PLA2G2D: variants seen among roughly 807,000 people sequenced by gnomAD.
PLA2G2D encodes group IID secretory phospholipase A2.
A neutral mutation model predicts 13.9 loss-of-function variants in PLA2G2D; 17 were observed. That is an observed-to-expected ratio of 1.23 (90% CI 0.84 to 1.84). PLA2G2D has a LOEUF of 1.84. PLA2G2D is among the 40% of genes most tolerant of loss of function. The pLI is 0.00. For missense variants in PLA2G2D, 194 were observed against 178.7 expected, an observed-to-expected ratio of 1.09 and a Z score of -0.49; for synonymous variants, 83 against 69.3, an observed-to-expected ratio of 1.20 and a Z score of -0.98.
In PLA2G2D at chr1:20,113,862, A is replaced by G; in HGVS notation, c.*252T>C. 2.4e-6 allele frequency: 1 copy of G among 422,350 alleles called. No homozygotes were observed. The highest frequency in any genetic ancestry group is 4.2e-6 in the Non-Finnish European group (1 of 235,882). The allele number at this position is 422,350 out of a possible 1,614,324, so 26.2% of individuals were successfully genotyped here. A position where few individuals can be genotyped will look rare whatever the true frequency, so the allele number is the denominator to read the frequency against. Reference sequence around the variant, plus strand: ...CCCCCACCCCGATGCTTTGGTCCAAACACCACCTCTGAGGGCTCCCTTGCT... The same window carrying G: ...CCCCCACCCCGATGCTTTGGTCCAAGCACCACCTCTGAGGGCTCCCTTGCT... On this transcript the variant is annotated 3_prime_UTR_variant, in exon 4 of 4. Coordinates refer to ENST00000375105, the MANE Select transcript of PLA2G2D (RefSeq NM_012400.4).
In PLA2G2D at chr1:20,113,777, T is replaced by G; in HGVS notation, c.*337A>C. The G allele has an allele frequency of 4.2e-5, 11 of 264,666 alleles. No homozygotes were observed. Among genetic ancestry groups the G allele is most frequent in the East Asian group, 7.7e-5 (1 of 12,996 alleles). 16.4% of individuals were successfully genotyped at this position (264,666 alleles called of 1,614,324 possible). ...TGCTGCGGTTGTAGCTCCGAGACTATATTGGAGGGGGTGAGGAAGGACAAG... is the reference window on the plus strand; with the variant it reads ...TGCTGCGGTTGTAGCTCCGAGACTAGATTGGAGGGGGTGAGGAAGGACAAG... On this transcript the variant is annotated 3_prime_UTR_variant, in exon 4 of 4. Transcript: ENST00000375105.
At chr1:20,114,315 T>C (rs932784263) in intron 3 of PLA2G2D, 56 bp from the exon 4 acceptor site, 6 of 1,566,238 alleles carry the variant, frequency 3.8e-6, no homozygotes, top group African/African-American at 1.4e-5. Flanking sequence ...CAGAGGCAGG[T>C]ATGAGTCTAG....
At chr1:20,116,294 G>A (rs755746655) in intron 2 of PLA2G2D, 39 bp downstream of exon 2, 4 of 1,603,440 alleles carry the variant, frequency 2.5e-6, no homozygotes, top group Non-Finnish European at 3.4e-6. Flanking sequence ...ACCGTAGTCG[G>A]GGACAGTATA....
rs755221114 is a variant in PLA2G2D at position 20,115,463 on chromosome 1, C to T, written c.292+44G>A. Reference sequence around the variant, plus strand: ...TGAAGGCAGTGGGGGCCAGATCTCCCTTCCTGGGGTCTCCAGCTCCTGCCC... The same window carrying T: ...TGAAGGCAGTGGGGGCCAGATCTCCTTTCCTGGGGTCTCCAGCTCCTGCCC... On this transcript the variant is annotated intron_variant, in intron 3 of 3. Transcript: ENST00000375105. The T allele has an allele frequency of 2.6e-6, 3 of 1,148,832 alleles. No individual in the cohort carries two copies. In the Admixed American group the frequency reaches 5.1e-5, roughly 19 times the overall value. 71.2% of individuals were successfully genotyped at this position (1,148,832 alleles called of 1,614,324 possible). A position where few individuals can be genotyped will look rare whatever the true frequency, so the allele number is the denominator to read the frequency against.
At position 20,116,343 on chromosome 1, in the gene PLA2G2D, C is replaced by T; in HGVS notation, c.175G>A (p.Ala59Thr). ...GLGGRGQPKD[A>T]TDWCCQTHDC... ...TGAGAAAGGAGTTACCAGTCCGTGG[C>T]ATCTTTGGGTTGGCCTCTGCCACCT... Residue 59 changes from alanine (A) to threonine (T), a missense_variant, in exon 2 of 4, where the codon GCC becomes ACC. Coordinates refer to ENST00000375105, the MANE Select transcript of PLA2G2D (RefSeq NM_012400.4). The T allele has an allele frequency of 1.2e-6, 2 of 1,614,208 alleles. No individual in the cohort carries two copies. Among genetic ancestry groups the T allele is most frequent in the Non-Finnish European group, 1.7e-6 (2 of 1,180,010 alleles).
At chr1:20,115,480 C>T in intron 3 of PLA2G2D, 27 bp downstream of exon 3, 3 of 1,316,006 alleles carry the variant, frequency 2.3e-6, no homozygotes, top group Non-Finnish European at 3.3e-6. Flanking sequence ...GGGTCTCCAG[C>T]TCCTGCCCTG....
chr1:20,116,264 G>T, intron 2 of PLA2G2D, 69 bp downstream of exon 2: 2 of 1,440,382 alleles, frequency 1.4e-6, no homozygotes, highest in South Asian at 2.3e-5. Context: ...TGAACAGGTG[G>T]GTGGAGAGAA....
chr1:20,117,191 C>A (rs1340940662), intron 1 of PLA2G2D, among the ~76,000 whole-genome samples: 2 of 152,194 alleles, frequency 1.3e-5, no homozygotes, highest in Non-Finnish European at 2.9e-5. Context: ...AAAACCAACA[C>A]TGGTACAATG....
chr1:20,117,452 T>C (rs1239803271), intron 1 of PLA2G2D, among the ~76,000 whole-genome samples: 1 of 152,218 alleles, frequency 6.6e-6, no homozygotes, highest in African/African-American at 2.4e-5. Context: ...GGAGGCAGCA[T>C]GATTTAGAAA....
Position 20,114,243 on chromosome 1 carries a change from C to T in PLA2G2D, c.309G>A (p.Trp103Ter). The change falls in exon 4 of 4, where the codon TGG (tryptophan) becomes TGA (stop). Residue 103 changes from tryptophan to a stop codon, truncating the protein, a stop_gained. Coordinates refer to ENST00000375105, the MANE Select transcript of PLA2G2D (RefSeq NM_012400.4). LOFTEE classifies it low-confidence loss of function (END_TRUNC). ...GNIHCSDKGSWCEQQLCACDK... is the reference protein window; with the variant it reads ...GNIHCSDKGS ...CACAGGCACACAGCTGCTGCTCACA[C>T]CAGCTTCCCTTGTCAGCTGTGGACG... 1 of 1,613,768 alleles carries T rather than the reference C, an allele frequency of 6.2e-7. No individual in the cohort carries two copies. The highest frequency in any genetic ancestry group is 8.5e-7 in the Non-Finnish European group (1 of 1,179,762).
At chr1:20,119,091 A>C (rs941012907) in intron 1 of PLA2G2D, among the ~76,000 whole-genome samples, 3 of 152,164 alleles carry the variant, frequency 2.0e-5, no homozygotes, top group Non-Finnish European at 4.4e-5. Context: ...CGGCTCTAAA[A>C]ATATGGAGTG....
chr1:20,116,288 T>C (rs1354173211), intron 2 of PLA2G2D, 45 bp downstream of exon 2: 1 of 1,590,664 alleles, frequency 6.3e-7, no homozygotes, highest in South Asian at 1.1e-5. Flanking sequence ...AAGAGTACCG[T>C]AGTCGGGGAC....
Position 20,114,014 on chromosome 1 carries a change from T to G in PLA2G2D, c.*100A>C, listed in dbSNP as rs1318527567. On this transcript the variant is annotated 3_prime_UTR_variant, in exon 4 of 4. Coordinates refer to ENST00000375105, the MANE Select transcript of PLA2G2D (RefSeq NM_012400.4). ...GGTTCCGGGGGAGGCTGGGACTACC[T>G]CCCCCCGGAGTGTTTGAAAAGCCAG... is the stretch of plus-strand genomic sequence containing the variant. The G allele has an allele frequency of 9.2e-7, 1 of 1,090,498 alleles. No individual in the cohort carries two copies. Among genetic ancestry groups the G allele is most frequent in the African/African-American group, 1.6e-5 (1 of 63,176 alleles). 67.6% of individuals were successfully genotyped at this position (1,090,498 alleles called of 1,614,324 possible).
chr1:20,115,889 G>A (rs1430388222), intron 2 of PLA2G2D, among the ~76,000 whole-genome samples: 2 of 152,158 alleles, frequency 1.3e-5, no homozygotes, highest in East Asian at 1.9e-4. Flanking sequence ...ACTGAGACTC[G>A]GGGAGGTCAA....
At position 20,115,568 on chromosome 1, in the gene PLA2G2D, C is replaced by T. The variant is rs1361658199; in HGVS notation, c.231G>A (p.Gln77=). ...AATAGTCCTTGTAGATGCTGCACCC[C>T]TGGGTCTTCAGGTGGTCATAGCAGC... is the stretch of plus-strand genomic sequence containing the variant. ...HDCCYDHLKT[Q]GCSIYKDYYR... is the part of the protein sequence containing the mutation. The change falls in exon 3 of 4, where the codon CAG becomes CAA. Residue 77 remains glutamine (Q), a synonymous_variant. Transcript: ENST00000375105. 1 of 1,613,236 alleles carries T rather than the reference C, an allele frequency of 6.2e-7. No individual in the cohort carries two copies. The highest frequency in any genetic ancestry group is 8.5e-7 in the Non-Finnish European group (1 of 1,179,192).
chr1:20,118,929 C>A (rs1031062624), intron 1 of PLA2G2D, among the ~76,000 whole-genome samples: 2 of 152,150 alleles, frequency 1.3e-5, no homozygotes, highest in African/African-American at 4.8e-5. Context: ...TCCAAAATCA[C>A]AATTTTGAGA....
At chr1:20,115,323 C>T (rs1205244732) in intron 3 of PLA2G2D, among the ~76,000 whole-genome samples, 184 bp downstream of exon 3, 1 of 152,004 alleles carries the variant, frequency 6.6e-6, no homozygotes, top group Non-Finnish European at 1.5e-5. Context: ...CTAAAGGGGC[C>T]AAACCTCCCA....
rs2016986703 is a variant in PLA2G2D, at chr1:20,116,243, A to C, written c.185+90T>G. On this transcript the variant is annotated intron_variant, in intron 2 of 3. Transcript: ENST00000375105. ...GTAGATGCTCAACAAAATGGATTCAACTCAACTAAATGAACAGGTGGGTGG... is the reference window on the plus strand; with the variant it reads ...GTAGATGCTCAACAAAATGGATTCACCTCAACTAAATGAACAGGTGGGTGG... 3.0e-6 allele frequency: 4 copies of C among 1,311,870 alleles called. No homozygotes were observed. In the Admixed American group the frequency reaches 5.1e-5, roughly 17 times the overall value. The allele number at this position is 1,311,870 out of a possible 1,614,324, so 81.3% of individuals were successfully genotyped here. A position where few individuals can be genotyped will look rare whatever the true frequency, so the allele number is the denominator to read the frequency against.
At chr1:20,116,303 T>G in intron 2 of PLA2G2D, 30 bp downstream of exon 2, 2 of 1,610,754 alleles carry the variant, frequency 1.2e-6, no homozygotes, top group Non-Finnish European at 1.7e-6. Context: ...GGGGACAGTA[T>G]AGGATTGCCA....
Sources: allele counts gnomAD v4.1 joint callset (sites outside exome capture counted in the v4.1 genomes callset), GRCh38; gene constraint gnomAD v4.1.1; transcripts MANE v1.5; gene names NCBI Gene and HGNC (gene_info 2026-07-23, HGNC 2026-07-21).